The following XKR4 variants were observed in gnomAD, a reference collection of about 807,000 sequenced individuals.
XKR4 encodes the protein XK related 4.
A neutral mutation model predicts 53.9 loss-of-function variants in XKR4; 12 were observed. The ratio of observed to expected loss-of-function variants is 0.22; its 90% CI spans 0.14 to 0.36. The LOEUF (loss-of-function observed/expected upper bound fraction) is 0.36, where lower values mean the gene tolerates loss of function less well. XKR4 is among the 10% of genes least tolerant of loss of function. XKR4 has a pLI of 1.00. For synonymous variants in XKR4, 354 were observed against 362.4 expected (o/e 0.98, Z 0.26); for missense variants, 799 against 859.5 (o/e 0.93, Z 0.88).
intron 1 of XKR4, among the ~76,000 whole-genome samples, chr8:55,141,292 C>T (rs1208492737): frequency 5.3e-5 from 8 of 152,178 alleles, no homozygotes; most frequent in African/African-American, 1.2e-4. Flanking sequence ...CCTCTCCAGA[C>T]GCATCTCCTG....
chr8:55,248,825 C>T (rs1818327734), intron 1 of XKR4, among the ~76,000 whole-genome samples: 1 of 151,902 alleles, frequency 6.6e-6, no homozygotes, highest in Admixed American at 6.6e-5. Flanking sequence ...CTCAGAGTGT[C>T]CCAGGGCAAT....
At chr8:55,377,570 G>A (rs558739351) in intron 2 of XKR4, among the ~76,000 whole-genome samples, 25 of 152,200 alleles carry the variant, frequency 1.6e-4, no homozygotes, top group Non-Finnish European at 2.9e-4. Flanking sequence ...AAAGAAAGAG[G>A]AAAAGAGGGA....
chr8:55,415,613 C>T (rs752356579), intron 2 of XKR4, among the ~76,000 whole-genome samples: 9 of 152,234 alleles, frequency 5.9e-5, no homozygotes, highest in East Asian at 5.8e-4. Flanking sequence ...TATTTGCAAA[C>T]GATTAAACTC....
At chr8:55,439,041 C>A (rs548258573) in intron 2 of XKR4, among the ~76,000 whole-genome samples, 10 of 152,034 alleles carry the variant, frequency 6.6e-5, no homozygotes, top group Non-Finnish European at 1.3e-4. Flanking sequence ...TGCATAGGGA[C>A]CTTGCGTAAT....
chr8:55,256,112 G>A (rs1464981838), intron 1 of XKR4, among the ~76,000 whole-genome samples: 1 of 151,912 alleles, frequency 6.6e-6, no homozygotes, highest in East Asian at 1.9e-4. Flanking sequence ...CTGAGGCTGA[G>A]GAAGGCAGGG....
At chr8:55,436,245 T>A (rs1326086009) in intron 2 of XKR4, among the ~76,000 whole-genome samples, 3 of 152,202 alleles carry the variant, frequency 2.0e-5, no homozygotes, top group Non-Finnish European at 4.4e-5. Flanking sequence ...TTACAGTGAT[T>A]CTCTTTTCAA....
chr8:55,146,062 T>C (rs577123569), intron 1 of XKR4, among the ~76,000 whole-genome samples: 1 of 152,352 alleles, frequency 6.6e-6, no homozygotes, highest in Admixed American at 6.5e-5. Flanking sequence ...GAAATGACAT[T>C]GTAACCTGAG....
chr8:55,135,785 G>A, intron 1 of XKR4: 1 of 312,622 alleles, frequency 3.2e-6, no homozygotes. Flanking sequence ...CTTCCTGCAT[G>A]TTGACCACTT....
At chr8:55,506,935 A>AT (rs1364805050) in intron 2 of XKR4, among the ~76,000 whole-genome samples, 4 of 151,648 alleles carry the variant, frequency 2.6e-5, no homozygotes, top group Admixed American at 6.6e-5. Context: ...AACTCATTAA[A>AT]TTTTTTTTTC....
At position 55,441,081 on chromosome 8, in the gene XKR4, AT is replaced by A. The variant is rs1325914040; in HGVS notation, c.1007-82199del. 2.9e-5 allele frequency among the ~76,000 whole-genome samples: 4 copies of A among 139,448 alleles called. No homozygotes were observed. The East Asian group carries it at 6.0e-4, about 21-fold the overall frequency. The allele number at this position is 139,448 out of a possible 152,430, so 91.5% of individuals were successfully genotyped here. A position where few individuals can be genotyped will look rare whatever the true frequency, so the allele number is the denominator to read the frequency against. ...CATCTCTACAAAAAAAAAAAAAAAA[AT>A]GTTTAAAATTAGCCAGGCATGCTAA... On this transcript the variant is annotated intron_variant, in intron 2 of 2. Transcript: ENST00000327381.
intron 1 of XKR4, among the ~76,000 whole-genome samples, chr8:55,322,892 T>C (rs1803235181): frequency 6.6e-6 from 1 of 152,206 alleles, no homozygotes; most frequent in South Asian, 2.1e-4. Context: ...ATCTTGTTTC[T>C]TTTTCTTGCA....
At chr8:55,412,723 G>A (rs78597228) in intron 2 of XKR4, among the ~76,000 whole-genome samples, 9,493 of 152,310 alleles carry the variant, frequency 0.062, 866 homozygotes, top group African/African-American at 0.2. Context: ...GCAGCATCAA[G>A]TGTGTTAAGA....
chr8:55,103,803 G>T, intron 1 of XKR4, among the ~76,000 whole-genome samples: 1 of 143,514 alleles, frequency 7.0e-6, no homozygotes, highest in African/African-American at 2.6e-5. Context: ...GATCACTGCT[G>T]GAGAAGTGCT....
chr8:55,454,588 C>G, intron 2 of XKR4: 1 of 1,415,904 alleles, frequency 7.1e-7, no homozygotes, highest in Non-Finnish European at 9.8e-7. Flanking sequence ...GATGACCTGC[C>G]GGTCACCAGC....
intron 1 of XKR4, chr8:55,164,058 G>A (rs527842620): frequency 1.4e-5 from 5 of 362,802 alleles, no homozygotes; most frequent in Non-Finnish European, 2.8e-5. Context: ...ACTGTTTCAG[G>A]AGGCTCCTTT....
chr8:55,213,750 G>A (rs1402218617), intron 1 of XKR4, among the ~76,000 whole-genome samples: 2 of 151,834 alleles, frequency 1.3e-5, no homozygotes, highest in Non-Finnish European at 2.9e-5. Context: ...GATGGACTCA[G>A]GTCAGATCTC....
At chr8:55,217,667 A>AG (rs1208499978) in intron 1 of XKR4, among the ~76,000 whole-genome samples, 1 of 152,224 alleles carries the variant, frequency 6.6e-6, no homozygotes, top group Non-Finnish European at 1.5e-5. Context: ...TTGTGGATAC[A>AG]GGCTCGTTGC....
chr8:55,341,318 G>T (rs563635124), intron 1 of XKR4, among the ~76,000 whole-genome samples: 1 of 152,114 alleles, frequency 6.6e-6, no homozygotes, highest in Admixed American at 6.5e-5. Flanking sequence ...GGGCAGCAGG[G>T]GTATTGATGC....
At chr8:55,157,497 C>CT (rs34979720) in intron 1 of XKR4, among the ~76,000 whole-genome samples, 68 of 146,868 alleles carry the variant, frequency 4.6e-4, no homozygotes, top group East Asian at 3.6e-3. Flanking sequence ...TTTGGAAATA[C>CT]TTTTTTTTTT....
Sources: gnomAD v4.1 joint callset for allele counts (sites outside exome capture counted in the v4.1 genomes callset) on GRCh38, gnomAD v4.1.1 for gene constraint, MANE v1.5 for transcripts, NCBI Gene and HGNC (gene_info 2026-07-23, HGNC 2026-07-21) for gene names.